The following DLC1 variants were observed in gnomAD, a reference collection of about 807,000 sequenced individuals.
DLC1 encodes the protein rho GTPase-activating protein 7.
In DLC1, 54 loss-of-function variants were observed where a neutral mutation model predicts 140.3. The ratio of observed to expected loss-of-function variants is 0.38; its 90% CI spans 0.31 to 0.48. The LOEUF (loss-of-function observed/expected upper bound fraction) is 0.48, where lower values mean the gene tolerates loss of function less well. Ranked by LOEUF, DLC1 falls within the 20% of genes least tolerant of loss-of-function variation. The pLI, the probability that DLC1 is intolerant of heterozygous loss-of-function variation, is 0.96. For missense variants in DLC1, 2,536 were observed against 1,907.0 expected (o/e 1.33, Z -6.14); for synonymous variants, 986 against 728.1 (o/e 1.35, Z -5.70).
chr8:13,251,410 G>A (rs1022027989), intron 5 of DLC1, among the ~76,000 whole-genome samples: 2 of 151,984 alleles, frequency 1.3e-5, no homozygotes, highest in Non-Finnish European at 2.9e-5. Flanking sequence ...TACCAATCTG[G>A]TATCAATTTG....
chr8:13,276,499 A>C (rs1284153943), intron 5 of DLC1: 19 of 1,313,352 alleles, frequency 1.4e-5, no homozygotes, highest in Non-Finnish European at 1.7e-5. Context: ...GCCTGCCTTC[A>C]GGAGGCCGGC....
rs1376648017 is a variant in DLC1 at position 13,317,937 on chromosome 8, TG to T, written c.1315-12636del. ...GGGGGAATAGGCAACACTTACTTAG[TG>T]GTCACTGTAACTCTGTACTTGTTCT... is the stretch of plus-strand genomic sequence containing the variant. On this transcript the variant is annotated intron_variant, in intron 4 of 17. Transcript: ENST00000276297. 2.6e-5 allele frequency among the ~76,000 whole-genome samples: 4 copies of T among 152,322 alleles called. No individual in the cohort carries two copies. The East Asian group carries it at 7.7e-4, about 29-fold the overall frequency.
intron 4 of DLC1, among the ~76,000 whole-genome samples, chr8:13,387,818 A>G (rs190543555): frequency 9.7e-4 from 148 of 152,152 alleles, no homozygotes; most frequent in Non-Finnish European, 1.5e-3. Flanking sequence ...CCAAATGTCA[A>G]TGTACCTGCA....
At chr8:13,555,338 T>A (rs73561379) in intron 1 of DLC1, among the ~76,000 whole-genome samples, 14,151 of 152,082 alleles carry the variant, frequency 0.093, 742 homozygotes, top group African/African-American at 0.12. Context: ...GTTTTTTTTT[T>A]AATAAGGTAT....
At chr8:13,590,584 C>A (rs1805484796) in intron 1 of DLC1, among the ~76,000 whole-genome samples, 1 of 151,984 alleles carries the variant, frequency 6.6e-6, no homozygotes, top group African/African-American at 2.4e-5. Flanking sequence ...TGTTCAGCTC[C>A]AGAATTTTAC....
chr8:13,140,198 T>C (rs1300850236), intron 5 of DLC1, among the ~76,000 whole-genome samples: 2 of 152,200 alleles, frequency 1.3e-5, no homozygotes, highest in Non-Finnish European at 2.9e-5. Flanking sequence ...TTTTCTTTCT[T>C]TCTTTTTCTT....
At chr8:13,394,881 C>T (rs1236846343) in intron 3 of DLC1, among the ~76,000 whole-genome samples, 1 of 152,100 alleles carries the variant, frequency 6.6e-6, no homozygotes, top group Non-Finnish European at 1.5e-5. Context: ...CTGTTGTCAG[C>T]TTGAATCTTA....
intron 2 of DLC1, among the ~76,000 whole-genome samples, chr8:13,428,593 G>C (rs553632450): frequency 6.6e-6 from 1 of 152,100 alleles, no homozygotes; most frequent in Non-Finnish European, 1.5e-5. Context: ...ACACTAGTTC[G>C]GGAAATGGTG....
intron 2 of DLC1, among the ~76,000 whole-genome samples, chr8:13,490,358 A>T (rs1801177814): frequency 6.6e-6 from 1 of 152,218 alleles, no homozygotes; most frequent in Non-Finnish European, 1.5e-5. Context: ...TTTCCTTTGA[A>T]ATTGGTGAGG....
intron 2 of DLC1, among the ~76,000 whole-genome samples, chr8:13,441,629 A>T (rs1798513570): frequency 6.6e-6 from 1 of 152,156 alleles, no homozygotes; most frequent in Non-Finnish European, 1.5e-5. Context: ...AGGGAATAAA[A>T]TACCTAGGAA....
intron 5 of DLC1, among the ~76,000 whole-genome samples, chr8:13,215,228 C>CA (rs896348454): frequency 2.0e-5 from 3 of 151,780 alleles, no homozygotes; most frequent in Admixed American, 6.6e-5. Context: ...ATAATTTTAA[C>CA]AAAAAAAATT....
At chr8:13,415,694 C>T (rs927289873) in intron 2 of DLC1, among the ~76,000 whole-genome samples, 8 of 152,144 alleles carry the variant, frequency 5.3e-5, no homozygotes, top group South Asian at 4.1e-4. Context: ...CCACTGCAAC[C>T]GGCTGATTTA....
chr8:13,513,167 C>G (rs955051731), intron 1 of DLC1, among the ~76,000 whole-genome samples: 1 of 152,008 alleles, frequency 6.6e-6, no homozygotes, highest in Admixed American at 6.6e-5. Flanking sequence ...TGACCTTGGA[C>G]AGGTCACTTT....
intron 4 of DLC1, among the ~76,000 whole-genome samples, chr8:13,320,455 A>T (rs2116901061): frequency 6.6e-6 from 1 of 152,352 alleles, no homozygotes; most frequent in East Asian, 1.9e-4. Flanking sequence ...ATTTAAAAAT[A>T]AAAACATGAA....
At chr8:13,400,909 G>T (rs916185263) in intron 3 of DLC1, among the ~76,000 whole-genome samples, 4 of 152,102 alleles carry the variant, frequency 2.6e-5, no homozygotes, top group African/African-American at 9.7e-5. Flanking sequence ...TCTATATTAT[G>T]TAAAACTGAT....
At chr8:13,553,211 T>C (rs1803923481) in intron 1 of DLC1, among the ~76,000 whole-genome samples, 1 of 64,618 alleles carries the variant, frequency 1.5e-5, no homozygotes, top group African/African-American at 6.3e-5. Flanking sequence ...GTCATATATA[T>C]ATATATATAT....
intron 2 of DLC1, among the ~76,000 whole-genome samples, chr8:13,468,885 A>G (rs998272222): frequency 7.3e-6 from 1 of 137,618 alleles, no homozygotes; most frequent in Non-Finnish European, 1.5e-5. Flanking sequence ...CAGTGGTGCA[A>G]TCTTGGTTCA....
intron 2 of DLC1, among the ~76,000 whole-genome samples, chr8:13,421,237 T>C (rs186476216): frequency 8.5e-5 from 13 of 152,286 alleles, no homozygotes; most frequent in Admixed American, 7.9e-4. Context: ...AGCTGCCTTA[T>C]ATTATTAAGC....
intron 5 of DLC1, among the ~76,000 whole-genome samples, chr8:13,120,467 T>G (rs1820966015): frequency 6.6e-6 from 1 of 151,238 alleles, no homozygotes; most frequent in South Asian, 2.1e-4. Flanking sequence ...TATATTACTT[T>G]GGACACGTTT....
Sources: gnomAD v4.1 joint callset for allele counts (sites outside exome capture counted in the v4.1 genomes callset) on GRCh38, gnomAD v4.1.1 for gene constraint, MANE v1.5 for transcripts, NCBI Gene and HGNC (gene_info 2026-07-23, HGNC 2026-07-21) for gene names.